CENPP: variants seen among roughly 807,000 people sequenced by gnomAD.
CENPP encodes centromere protein P.
CENPP carries 24 observed loss-of-function variants against 35.6 expected under a neutral mutation model. That is an observed-to-expected ratio of 0.67 (90% CI 0.49 to 0.95). The LOEUF is 0.95. Among genes scored for constraint, CENPP ranks in the 40% least tolerant of loss-of-function variants. The pLI is 0.00. For missense variants in CENPP, 332 were observed against 345.3 expected (o/e 0.96, Z 0.31); for synonymous variants, 120 against 125.5 (o/e 0.96, Z 0.29).
chr9:92,337,210 C>A (rs539635754), intron 2 of CENPP, among the ~76,000 whole-genome samples: 1 of 151,070 alleles, frequency 6.6e-6, no homozygotes, highest in African/African-American at 2.4e-5. Context: ...CCCAGCTACT[C>A]GGGAGGCTGA....
chr9:92,450,603 A>G (rs923426514), intron 5 of CENPP, among the ~76,000 whole-genome samples: 2 of 152,102 alleles, frequency 1.3e-5, no homozygotes, highest in Non-Finnish European at 2.9e-5. Context: ...TCCTTTGGGT[A>G]TATACTCAGT....
rs1046236713 is a variant in CENPP at position 92,593,405 on chromosome 9, T to C, written c.565-17909T>C. ...CCACAGACAGGGTGAACCAGAAATA[T>C]TTTTACTGAAATTACTCTAGGAAAG... On this transcript the variant is annotated intron_variant, in intron 5 of 7. Coordinates refer to ENST00000375587, the MANE Select transcript of CENPP (RefSeq NM_001012267.3). The surrounding 1 kb of genome is among the most constrained non-coding windows in gnomAD (Gnocchi z 4.1). 9.9e-5 allele frequency among the ~76,000 whole-genome samples: 15 copies of C among 152,226 alleles called. No homozygotes were observed. The highest frequency in any genetic ancestry group is 1.3e-4 in the Non-Finnish European group (9 of 68,044).
chr9:92,602,177 A>G (rs1850938765), intron 5 of CENPP, among the ~76,000 whole-genome samples: 1 of 152,216 alleles, frequency 6.6e-6, no homozygotes, highest in Non-Finnish European at 1.5e-5. Context: ...CATCACGACC[A>G]ATAGTGATCT....
chr9:92,368,048 C>G (rs1158989404), intron 4 of CENPP, among the ~76,000 whole-genome samples: 2 of 152,126 alleles, frequency 1.3e-5, no homozygotes, highest in Non-Finnish European at 2.9e-5. Flanking sequence ...TATTTTTTCA[C>G]TATTTAATGG....
intron 6 of CENPP, 138 bp downstream of exon 6, chr9:92,611,531 C>A: frequency 1.5e-6 from 1 of 674,406 alleles, no homozygotes; most frequent in South Asian, 1.9e-5. Flanking sequence ...AATCAGTGGT[C>A]CCAGCAGATA....
chr9:92,499,160 G>T (rs1300911110), intron 5 of CENPP, among the ~76,000 whole-genome samples: 3 of 152,194 alleles, frequency 2.0e-5, no homozygotes, highest in Non-Finnish European at 2.9e-5. Context: ...CCATTGTCCA[G>T]ATGACTGCAA....
At chr9:92,457,121 C>A in intron 5 of CENPP, 1 of 1,407,408 alleles carries the variant, frequency 7.1e-7, no homozygotes, top group Non-Finnish European at 9.2e-7. Context: ...AATAGTTTGG[C>A]AAAATTCCGT....
At chr9:92,604,794 A>C (rs1484211726) in intron 5 of CENPP, among the ~76,000 whole-genome samples, 1 of 151,960 alleles carries the variant, frequency 6.6e-6, no homozygotes, top group African/African-American at 2.4e-5. Flanking sequence ...GGGTTTTACT[A>C]TGTTGGCCAG....
At chr9:92,601,539 G>A (rs1309748873) in intron 5 of CENPP, among the ~76,000 whole-genome samples, 1 of 152,210 alleles carries the variant, frequency 6.6e-6, no homozygotes, top group East Asian at 1.9e-4. Flanking sequence ...CCCCGTGGGG[G>A]TACCAGCCCT....
At chr9:92,450,623 T>G (rs10820976) in intron 5 of CENPP, among the ~76,000 whole-genome samples, 61,507 of 151,884 alleles carry the variant, frequency 0.4, 14,558 homozygotes, top group African/African-American at 0.65. Context: ...TAATGGGATG[T>G]CTGGGTCTAA....
At chr9:92,437,444 A>G (rs1588129251) in intron 5 of CENPP, among the ~76,000 whole-genome samples, 2 of 135,348 alleles carry the variant, frequency 1.5e-5, no homozygotes, top group South Asian at 2.3e-4. Flanking sequence ...GAGTCTCGCT[A>G]TGTTGCCCAG....
chr9:92,420,494 G>C (rs973916235), intron 5 of CENPP, among the ~76,000 whole-genome samples: 8 of 152,120 alleles, frequency 5.3e-5, no homozygotes, highest in Non-Finnish European at 1.0e-4. Flanking sequence ...TCTCACTCTC[G>C]ATTCAAGACC....
At chr9:92,438,992 T>C (rs1035631784) in intron 5 of CENPP, among the ~76,000 whole-genome samples, 1 of 152,248 alleles carries the variant, frequency 6.6e-6, no homozygotes, top group African/African-American at 2.4e-5. Flanking sequence ...TCATTTGTTA[T>C]TGCTACGTGG....
In CENPP at chr9:92,603,110, C is replaced by G. The variant is rs79347901; in HGVS notation, c.565-8204C>G. 7.4e-3 allele frequency among the ~76,000 whole-genome samples: 1,125 copies of G among 152,272 alleles called. 11 individuals carry two copies. The highest frequency in any genetic ancestry group is 0.024 in the African/African-American group (1,018 of 41,570). On this transcript the variant is annotated intron_variant, in intron 5 of 7. Transcript: ENST00000375587. ...AGCCTCAAATTAAACTGTAAAAACA[C>G]GACTGAGGCTCAGAGAGTTTAAAAG...
intron 5 of CENPP, among the ~76,000 whole-genome samples, chr9:92,573,671 T>A (rs1422619739): frequency 1.3e-5 from 2 of 152,222 alleles, no homozygotes; most frequent in East Asian, 1.9e-4. Flanking sequence ...CTGCTGCCTT[T>A]TGTTCAGCTA....
At chr9:92,567,387 T>TAG (rs1554688287) in intron 5 of CENPP, among the ~76,000 whole-genome samples, 83 of 89,796 alleles carry the variant, frequency 9.2e-4, no homozygotes, top group Middle Eastern at 6.8e-3. Context: ...TATATATATA[T>TAG]ATATATATAG....
chr9:92,543,712 T>C (rs534833101), intron 5 of CENPP, among the ~76,000 whole-genome samples: 1 of 152,292 alleles, frequency 6.6e-6, no homozygotes, highest in South Asian at 2.1e-4. Context: ...ACTTATGTCT[T>C]AAGTTTCTTT....
intron 5 of CENPP, among the ~76,000 whole-genome samples, chr9:92,486,949 T>G (rs1270765892): frequency 1.3e-5 from 2 of 151,990 alleles, no homozygotes; most frequent in Non-Finnish European, 2.9e-5. Context: ...GCCTGGCTAA[T>G]TTTTGTATTT....
intron 4 of CENPP, among the ~76,000 whole-genome samples, chr9:92,366,124 G>A (rs1564280601): frequency 1.4e-5 from 2 of 144,756 alleles, no homozygotes; most frequent in Non-Finnish European, 3.0e-5. Context: ...AGCTGGCAGT[G>A]AGCCAAGACG....
Sources: allele counts gnomAD v4.1 joint callset (sites outside exome capture counted in the v4.1 genomes callset), GRCh38; gene constraint gnomAD v4.1.1; non-coding constraint Gnocchi (gnomAD v3.1); transcripts MANE v1.5; gene names NCBI Gene and HGNC (gene_info 2026-07-23, HGNC 2026-07-21).